CORO1B: variants seen among roughly 807,000 people sequenced by gnomAD.
The protein encoded by CORO1B is coronin 1B.
CORO1B carries 30 observed loss-of-function variants against 51.1 expected under a neutral mutation model. The observed-to-expected ratio is 0.59, with a 90% confidence interval of 0.44 to 0.80. The LOEUF is 0.80. CORO1B is among the 30% of genes least tolerant of loss of function. The pLI, the probability that CORO1B is intolerant of heterozygous loss-of-function variation, is 0.00. For missense variants in CORO1B, 648 were observed against 700.4 expected, an observed-to-expected ratio of 0.93 and a Z score of 0.84; for synonymous variants, 310 against 289.7, an observed-to-expected ratio of 1.07 and a Z score of -0.71.
In CORO1B at chr11:67,442,639, C is replaced by T. The variant is rs1864422616; in HGVS notation, c.-2-9G>A. On this transcript the variant is annotated splice_polypyrimidine_tract_variant and intron_variant, in intron 1 of 10. Transcript: ENST00000341356. ...TTTGCGGAAGGACATGTCTGCGGGA[C>T]AGAGAGGCCTGGGTCAGTCCGGCCC... 1.2e-6 allele frequency: 2 copies of T among 1,612,692 alleles called. No homozygotes were observed. Among genetic ancestry groups the T allele is most frequent in the Non-Finnish European group, 1.7e-6 (2 of 1,179,640 alleles).
At chr11:67,440,290 G>C in intron 7 of CORO1B, 27 bp from the exon 8 acceptor site, 1 of 1,612,692 alleles carries the variant, frequency 6.2e-7, no homozygotes, top group Non-Finnish European at 8.5e-7. Context: ...CTCAGCACCT[G>C]GGCACGCCTC....
At position 67,438,341 on chromosome 11, in the gene CORO1B, G is replaced by A. The variant is rs775611982; in HGVS notation, c.*35C>T. On this transcript the variant is annotated 3_prime_UTR_variant, in exon 11 of 11. Transcript: ENST00000341356. ...GGCAGAAGCTGAGTGGGAAGGGGGCGGCGGAGGAGATGAAGGTGGCGTGTG... is the reference window on the plus strand; with the variant it reads ...GGCAGAAGCTGAGTGGGAAGGGGGCAGCGGAGGAGATGAAGGTGGCGTGTG... The A allele has an allele frequency of 8.9e-6, 14 of 1,569,492 alleles. No individual in the cohort carries two copies. The highest frequency in any genetic ancestry group is 5.2e-5 in the Admixed American group (3 of 58,080).
chr11:67,441,909 T>G (rs753834156), intron 3 of CORO1B, 47 bp from the exon 4 acceptor site: 88 of 1,612,944 alleles, frequency 5.5e-5, no homozygotes, highest in Non-Finnish European at 6.5e-5. Context: ...GCTGGTCCTA[T>G]TGCTGGCCCC....
rs1051972565 is a variant in CORO1B at position 67,436,495 on chromosome 11, T to G, written c.*1881A>C. 35 of 956,072 alleles carry G rather than the reference T, an allele frequency of 3.7e-5. No individual in the cohort carries two copies. The African/African-American group carries it at 5.6e-4, about 15-fold the overall frequency. The allele number at this position is 956,072 out of a possible 1,614,324, so 59.2% of individuals were successfully genotyped here. On this transcript the variant is annotated 3_prime_UTR_variant, in exon 11 of 11. Coordinates refer to ENST00000341356, the MANE Select transcript of CORO1B (RefSeq NM_020441.3). The stretch of plus-strand genomic sequence containing the variant: ...CAAGCAGAAAAGGCCAAGGCCTTAT[T>G]TGGTCAACCAGGCTCTGGCCCTGTG...
chr11:67,442,721 C>A, intron 1 of CORO1B, 91 bp from the exon 2 acceptor site: 1 of 1,349,216 alleles, frequency 7.4e-7, no homozygotes, highest in South Asian at 1.3e-5. Flanking sequence ...AGGATGCAAC[C>A]GGGGGCCAGG....
In CORO1B at chr11:67,439,855, A is replaced by G. The variant is rs1384314113; in HGVS notation, c.1008-12T>C. 6.4e-7 allele frequency: 1 copy of G among 1,568,040 alleles called. No individual in the cohort carries two copies. Among genetic ancestry groups the G allele is most frequent in the Non-Finnish European group, 8.6e-7 (1 of 1,156,664 alleles). On this transcript the variant is annotated splice_polypyrimidine_tract_variant and intron_variant, in intron 8 of 10. Coordinates refer to ENST00000341356, the MANE Select transcript of CORO1B (RefSeq NM_020441.3). Reference sequence around the variant, plus strand: ...GCAGTTTGTAGAACCTGGGGATGCAAGGAGGAGCCACGGGTGGAACCCTCA... The same window carrying G: ...GCAGTTTGTAGAACCTGGGGATGCAGGGAGGAGCCACGGGTGGAACCCTCA...
Position 67,436,052 on chromosome 11 carries a change from T to A in CORO1B, c.*2324A>T. The A allele has an allele frequency of 2.5e-6, 4 of 1,613,436 alleles. No individual in the cohort carries two copies. Among genetic ancestry groups the A allele is most frequent in the Non-Finnish European group, 3.4e-6 (4 of 1,179,834 alleles). On this transcript the variant is annotated 3_prime_UTR_variant, in exon 11 of 11. Transcript: ENST00000341356. Reference sequence around the variant, plus strand: ...ATCCTCCTGTCGCTCAAGGTCATTGTCTGTGGACCCCAGCTCAGCTCGGGC... The same window carrying A: ...ATCCTCCTGTCGCTCAAGGTCATTGACTGTGGACCCCAGCTCAGCTCGGGC...
Position 67,442,641 on chromosome 11 carries a change from G to T in CORO1B, c.-2-11C>A. 6.2e-7 allele frequency: 1 copy of T among 1,612,672 alleles called. No homozygotes were observed. Among genetic ancestry groups the T allele is most frequent in the Non-Finnish European group, 8.5e-7 (1 of 1,179,562 alleles). The stretch of plus-strand genomic sequence containing the variant: ...TGCGGAAGGACATGTCTGCGGGACA[G>T]AGAGGCCTGGGTCAGTCCGGCCCAT... On this transcript the variant is annotated splice_polypyrimidine_tract_variant and intron_variant, in intron 1 of 10. Transcript: ENST00000341356.
chr11:67,443,329 G>GC (rs1180180056), intron 1 of CORO1B, 75 bp downstream of exon 1: 1 of 245,040 alleles, frequency 4.1e-6, no homozygotes, highest in Non-Finnish European at 6.5e-6. Flanking sequence ...TCCCCCCTCA[G>GC]CCCCCTCAGC....
Position 67,436,062 on chromosome 11 carries a change from C to T in CORO1B, c.*2314G>A. The T allele has an allele frequency of 6.2e-7, 1 of 1,613,246 alleles. No individual in the cohort carries two copies. The highest frequency in any genetic ancestry group is 1.1e-5 in the South Asian group (1 of 91,040). ...CGCTCAAGGTCATTGTCTGTGGACC[C>T]CAGCTCAGCTCGGGCCTGCAGCCAG... On this transcript the variant is annotated 3_prime_UTR_variant, in exon 11 of 11. Coordinates refer to ENST00000341356, the MANE Select transcript of CORO1B (RefSeq NM_020441.3).
In CORO1B at chr11:67,441,347, C is replaced by T; in HGVS notation, c.622G>A (p.Gly208Ser). ...GAGCCACGTACTGCCACCAGGGTGCCCCGACGGGGGTCGATGATGCGCACG... is the reference window on the plus strand; with the variant it reads ...GAGCCACGTACTGCCACCAGGGTGCTCCGACGGGGGTCGATGATGCGCACG... ...KSVRIIDPRR[G>S]TLVAEREKAH... The change falls in exon 5 of 11, where the codon GGC becomes AGC. Residue 208 changes from glycine (G) to serine (S), a missense_variant. Physicochemically the swap from Gly to Ser is moderately conservative, Grantham distance 56. Coordinates refer to ENST00000341356, the MANE Select transcript of CORO1B (RefSeq NM_020441.3). 1 of 1,613,628 alleles carries T rather than the reference C, an allele frequency of 6.2e-7. No homozygotes were observed. Among genetic ancestry groups the T allele is most frequent in the Non-Finnish European group, 8.5e-7 (1 of 1,180,014 alleles).
rs1419801108 is a variant in CORO1B at position 67,440,168 on chromosome 11, C to A, written c.957G>T (p.Met319Ile). 5.6e-6 allele frequency: 9 copies of A among 1,613,708 alleles called. No homozygotes were observed. The highest frequency in any genetic ancestry group is 1.7e-5 in the Admixed American group (1 of 60,004). Residue 319 changes from methionine to isoleucine, a missense_variant, in exon 8 of 11, where the codon ATG becomes ATT. By Grantham distance (10) the Met-to-Ile change is conservative. Coordinates refer to ENST00000341356, the MANE Select transcript of CORO1B (RefSeq NM_020441.3). ...TFTSKEPQRG[M>I]GSMPKRGLEV... ...CCAGGCCCCGCTTGGGCATGCTGCC[C>A]ATACCCCGCTGCGGCTCCTTGCTGG...
chr11:67,443,594 G>A (rs1449351295), upstream of CORO1B: 3 of 692,852 alleles, frequency 4.3e-6, no homozygotes, highest in South Asian at 1.3e-4. Context: ...GGCGCCGGGG[G>A]GCCGGGAGCG....
At position 67,440,506 on chromosome 11, in the gene CORO1B, C is replaced by T. The variant is rs745995078; in HGVS notation, c.757-67G>A. The T allele has an allele frequency of 2.1e-5, 31 of 1,450,276 alleles. 1 individual carries two copies. The South Asian group carries it at 3.4e-4, about 16-fold the overall frequency. 89.8% of individuals were successfully genotyped at this position (1,450,276 alleles called of 1,614,324 possible). A position where few individuals can be genotyped will look rare whatever the true frequency, so the allele number is the denominator to read the frequency against. On this transcript the variant is annotated intron_variant, in intron 6 of 10. Coordinates refer to ENST00000341356, the MANE Select transcript of CORO1B (RefSeq NM_020441.3). ...CCCCCTAATCCCAAACCAGGACGGG[C>T]CTTAGCTGGCCTCACTAAGGCCAGC...
rs750889248 is a variant in CORO1B, at chr11:67,441,359, C to A, written c.610G>T (p.Asp204Tyr). Residue 204 changes from aspartate to tyrosine, a missense_variant, in exon 5 of 11, where the codon GAC becomes TAC. By Grantham distance (160) the Asp-to-Tyr change is radical. Coordinates refer to ENST00000341356, the MANE Select transcript of CORO1B (RefSeq NM_020441.3). ...GCCACCAGGGTGCCCCGACGGGGGT[C>A]GATGATGCGCACGCTCTTGTCCTTG... ...ACKDKSVRII[D>Y]PRRGTLVAER... 6.2e-7 allele frequency: 1 copy of A among 1,613,686 alleles called. No individual in the cohort carries two copies. Among genetic ancestry groups the A allele is most frequent in the Admixed American group, 1.7e-5 (1 of 60,028 alleles).
rs1864399008 is a variant in CORO1B at position 67,441,731 on chromosome 11, A to C, written c.454+2T>G. The C allele has an allele frequency of 6.2e-7, 1 of 1,607,448 alleles. No individual in the cohort carries two copies. The highest frequency in any genetic ancestry group is 8.5e-7 in the Non-Finnish European group (1 of 1,178,304). ...GAGCACAAAACGGGGGGCGGTGCAG[A>C]CCTGCACTGAGCAGCACGTTTCGGG... On this transcript the variant is annotated splice_donor_variant, in intron 4 of 10. Coordinates refer to ENST00000341356, the MANE Select transcript of CORO1B (RefSeq NM_020441.3). LOFTEE classifies it high-confidence loss of function.
At chr11:67,443,375 G>A in intron 1 of CORO1B, 29 bp downstream of exon 1, 3 of 674,100 alleles carry the variant, frequency 4.5e-6, no homozygotes, top group Non-Finnish European at 5.5e-6. Flanking sequence ...CCCAGCCCGC[G>A]CCCCTAGCCC....
Position 67,436,550 on chromosome 11 carries a change from C to T in CORO1B, c.*1826G>A, listed in dbSNP as rs1864285203. Reference sequence around the variant, plus strand: ...CAGCCCCCATCCCTCCAGCCTCCTCCCTACCACTCACCTCCCCCAACAGCT... The same window carrying T: ...CAGCCCCCATCCCTCCAGCCTCCTCTCTACCACTCACCTCCCCCAACAGCT... On this transcript the variant is annotated 3_prime_UTR_variant, in exon 11 of 11. Coordinates refer to ENST00000341356, the MANE Select transcript of CORO1B (RefSeq NM_020441.3). 3.8e-6 allele frequency: 2 copies of T among 532,606 alleles called. No individual in the cohort carries two copies. Among genetic ancestry groups the T allele is most frequent in the African/African-American group, 2.0e-5 (1 of 50,492 alleles). The allele number at this position is 532,606 out of a possible 1,614,324, so 33.0% of individuals were successfully genotyped here.
rs1322738180 is a variant in CORO1B at position 67,436,625 on chromosome 11, G to A, written c.*1751C>T. The A allele has an allele frequency of 1.3e-5, 5 of 374,246 alleles. No homozygotes were observed. The highest frequency in any genetic ancestry group is 4.3e-5 in the East Asian group (1 of 23,294). The allele number at this position is 374,246 out of a possible 1,614,324, so 23.2% of individuals were successfully genotyped here. ...TTCGCACTGGCTGTTCCCTCTGCCC[G>A]GAAAGCTCCACCTCCTCCCATCCTC... is the stretch of plus-strand genomic sequence containing the variant. On this transcript the variant is annotated 3_prime_UTR_variant, in exon 11 of 11. Coordinates refer to ENST00000341356, the MANE Select transcript of CORO1B (RefSeq NM_020441.3).
Sources: gnomAD v4.1 joint callset for allele counts on GRCh38, gnomAD v4.1.1 for gene constraint, MANE v1.5 for transcripts, NCBI Gene and HGNC (gene_info 2026-07-23, HGNC 2026-07-21) for gene names.